Variants in DCC observed in about 807,000 individuals in gnomAD.
DCC encodes the protein netrin receptor DCC.
In DCC, 58 loss-of-function variants were observed where a neutral mutation model predicts 172.5. The observed-to-expected ratio is 0.34, with a 90% confidence interval of 0.27 to 0.42. The LOEUF (loss-of-function observed/expected upper bound fraction) is 0.42, where lower values mean the gene tolerates loss of function less well. DCC is among the 10% of genes least tolerant of loss of function. DCC has a pLI of 1.00. For missense variants in DCC, 1,740 were observed against 1,791.0 expected, an observed-to-expected ratio of 0.97 and a Z score of 0.51; for synonymous variants, 709 against 644.5, an observed-to-expected ratio of 1.10 and a Z score of -1.52.
At position 52,717,431 on chromosome 18, in the gene DCC, T is replaced by TTTC. The variant is rs1491118344; in HGVS notation, c.92-34621_92-34620insCTT. Among the ~76,000 whole-genome samples, 4 of 1,660 alleles carry TTTC rather than the reference T, an allele frequency of 2.4e-3. No individual in the cohort carries two copies. The Non-Finnish European group carries it at 0.13, about 55-fold the overall frequency. 1.1% of individuals were successfully genotyped at this position (1,660 alleles called of 152,430 possible). A position where few individuals can be genotyped will look rare whatever the true frequency, so the allele number is the denominator to read the frequency against. The stretch of plus-strand genomic sequence containing the variant: ...TAAATTAAGAGAATTTCTAAATTTC[T>TTTC]TTTTTTTTTTTTTTTTTCCAAAAAA... On this transcript the variant is annotated intron_variant, in intron 1 of 28. Coordinates refer to ENST00000442544, the MANE Select transcript of DCC (RefSeq NM_005215.4).
chr18:52,802,802 C>T (rs1476106894), intron 2 of DCC, among the ~76,000 whole-genome samples: 3 of 150,822 alleles, frequency 2.0e-5, no homozygotes, highest in Admixed American at 1.3e-4. Flanking sequence ...TACTGTAGCC[C>T]AGCCCTGAAA....
chr18:52,623,630 G>T (rs2034521080), intron 1 of DCC, among the ~76,000 whole-genome samples: 1 of 152,102 alleles, frequency 6.6e-6, no homozygotes. Context: ...AGTTCATAAC[G>T]GGATTACATA....
chr18:53,063,184 A>G (rs918473215), intron 5 of DCC, 121 bp from the exon 6 acceptor site: 49 of 959,448 alleles, frequency 5.1e-5, no homozygotes, highest in Non-Finnish European at 7.6e-5. Context: ...AGCTTAGGGA[A>G]TGATTTGAAT....
intron 1 of DCC, among the ~76,000 whole-genome samples, chr18:52,468,035 G>A (rs987232143): frequency 2.6e-5 from 4 of 152,140 alleles, no homozygotes; most frequent in Non-Finnish European, 4.4e-5. Flanking sequence ...CATTTTATGT[G>A]CATATACATT....
chr18:53,293,109 T>C (rs2057024581), intron 12 of DCC, among the ~76,000 whole-genome samples: 1 of 152,212 alleles, frequency 6.6e-6, no homozygotes, highest in Admixed American at 6.5e-5. Flanking sequence ...AGAGATAATG[T>C]TGTAATACAT....
At chr18:52,792,169 CAG>C (rs1191879968) in intron 2 of DCC, among the ~76,000 whole-genome samples, 1 of 151,720 alleles carries the variant, frequency 6.6e-6, no homozygotes, top group East Asian at 1.9e-4. Context: ...AGACCAAGGG[CAG>C]AGAGTGATGC....
intron 1 of DCC, among the ~76,000 whole-genome samples, chr18:52,708,016 C>CA (rs1032527036): frequency 2.0e-5 from 3 of 152,178 alleles, no homozygotes; most frequent in Admixed American, 6.5e-5. Context: ...GTTTTCACCA[C>CA]AAAAAATCAG....
At chr18:53,259,490 G>C (rs1379145770) in intron 12 of DCC, among the ~76,000 whole-genome samples, 6 of 151,026 alleles carry the variant, frequency 4.0e-5, no homozygotes, top group African/African-American at 9.8e-5. Flanking sequence ...GGCTGGATAT[G>C]AAATTCTGGG....
chr18:53,346,801 GA>G (rs2057731222), intron 15 of DCC, among the ~76,000 whole-genome samples: 2 of 152,052 alleles, frequency 1.3e-5, no homozygotes, highest in South Asian at 4.2e-4. Context: ...CTTGAGAATG[GA>G]CTATATTTAC....
intron 1 of DCC, among the ~76,000 whole-genome samples, chr18:52,589,221 A>G (rs1259411617): frequency 6.6e-6 from 1 of 152,216 alleles, no homozygotes; most frequent in African/African-American, 2.4e-5. Flanking sequence ...GACAAAAGCA[A>G]ATGTCTTGCA....
intron 2 of DCC, among the ~76,000 whole-genome samples, chr18:52,786,080 T>G (rs977755926): frequency 6.6e-6 from 1 of 152,112 alleles, no homozygotes; most frequent in African/African-American, 2.4e-5. Flanking sequence ...ATAGCAAATC[T>G]TGCAAGTGTG....
At chr18:52,357,855 G>T (rs1320768909) in intron 1 of DCC, among the ~76,000 whole-genome samples, 1 of 150,648 alleles carries the variant, frequency 6.6e-6, no homozygotes, top group Non-Finnish European at 1.5e-5. Flanking sequence ...GGAGAATGGT[G>T]TGAACCCACG....
rs117877825 is a variant in DCC, at chr18:52,537,666, G to A, written c.91+196788G>A. On this transcript the variant is annotated intron_variant, in intron 1 of 28. Transcript: ENST00000442544. ...AGCAGAAAAAAAAGAAAACAATGAC[G>A]ACGAATGAAAGGAAATAACACAAAG... is the stretch of plus-strand genomic sequence containing the variant. 9.2e-5 allele frequency among the ~76,000 whole-genome samples: 14 copies of A among 152,178 alleles called. No individual in the cohort carries two copies. In the East Asian group the frequency reaches 2.5e-3, roughly 27 times the overall value.
intron 1 of DCC, among the ~76,000 whole-genome samples, chr18:52,611,936 G>A (rs2034283939): frequency 6.6e-6 from 1 of 152,178 alleles, no homozygotes; most frequent in Admixed American, 6.5e-5. Flanking sequence ...ACTTTGGCAT[G>A]AAGTAGACAA....
chr18:53,513,107 G>C (rs2046279801), intron 27 of DCC, among the ~76,000 whole-genome samples: 1 of 152,182 alleles, frequency 6.6e-6, no homozygotes, highest in Non-Finnish European at 1.5e-5. Context: ...ACTAACAGCT[G>C]ATCTCTCAGC....
chr18:52,780,507 A>C (rs2037518915), intron 2 of DCC, among the ~76,000 whole-genome samples: 1 of 152,190 alleles, frequency 6.6e-6, no homozygotes, highest in African/African-American at 2.4e-5. Context: ...TACTTAATCT[A>C]AGTTTTATAT....
intron 1 of DCC, among the ~76,000 whole-genome samples, chr18:52,593,490 CCTG>C (rs2144802238): frequency 6.6e-6 from 1 of 152,176 alleles, no homozygotes; most frequent in East Asian, 1.9e-4. Context: ...TTGTCTGTGA[CCTG>C]CTCATATTTT....
intron 1 of DCC, among the ~76,000 whole-genome samples, chr18:52,507,734 A>G (rs950169617): frequency 3.3e-5 from 5 of 152,190 alleles, no homozygotes; most frequent in Admixed American, 6.5e-5. Context: ...GAGTGATTGA[A>G]TCCTCAGAGC....
At chr18:52,636,746 G>A (rs542611856) in intron 1 of DCC, among the ~76,000 whole-genome samples, 5 of 152,236 alleles carry the variant, frequency 3.3e-5, no homozygotes, top group East Asian at 1.9e-4. Flanking sequence ...CCCTGATAGC[G>A]GAAGACAAAG....
Sources: gnomAD v4.1 joint callset for allele counts (sites outside exome capture counted in the v4.1 genomes callset) on GRCh38, gnomAD v4.1.1 for gene constraint, MANE v1.5 for transcripts, NCBI Gene and HGNC (gene_info 2026-07-23, HGNC 2026-07-21) for gene names.